Variants in ADAMTS2 observed in about 807,000 individuals in gnomAD.
ADAMTS2 encodes the protein A disintegrin and metalloproteinase with thrombospondin motifs 2.
ADAMTS2 carries 50 observed loss-of-function variants against 123.0 expected under a neutral mutation model. The observed-to-expected ratio is 0.41, with a 90% CI of 0.32 to 0.51. The LOEUF (loss-of-function observed/expected upper bound fraction) is 0.51. Ranked by LOEUF, ADAMTS2 falls within the 20% of genes least tolerant of loss-of-function variation. The pLI, the probability that ADAMTS2 is intolerant of heterozygous loss-of-function variation, is 0.35. For synonymous variants in ADAMTS2, 678 were observed against 695.4 expected, an observed-to-expected ratio of 0.98 and a Z score of 0.39; for missense variants, 1,494 against 1,705.2, an observed-to-expected ratio of 0.88 and a Z score of 2.18.
intron 3 of ADAMTS2, among the ~76,000 whole-genome samples, chr5:179,266,781 C>CGG (rs149506114): frequency 0.029 from 4,341 of 148,488 alleles, 91 homozygotes; most frequent in Middle Eastern, 0.086. Context: ...CCCCAGCCCC[C>CGG]ACCTGGGCCA....
chr5:179,223,534 TCA>T (rs201778803), intron 3 of ADAMTS2, among the ~76,000 whole-genome samples: 9 of 96,770 alleles, frequency 9.3e-5, no homozygotes, highest in African/African-American at 2.8e-4. Context: ...ACACATGCAC[TCA>T]CACTCACACG....
intron 5 of ADAMTS2, among the ~76,000 whole-genome samples, chr5:179,166,321 A>G (rs2113281838): frequency 6.6e-6 from 1 of 152,266 alleles, no homozygotes; most frequent in Non-Finnish European, 1.5e-5. Flanking sequence ...CGGGCTGGAA[A>G]GGGTCTGAGG....
Position 179,228,879 on chromosome 5 carries a change from A to C in ADAMTS2, c.689-21164T>G, listed in dbSNP as rs1341199096. On this transcript the variant is annotated intron_variant, in intron 3 of 21. Transcript: ENST00000251582. This position sits in a 1 kb window ranked among gnomAD's most constrained non-coding sequence, Gnocchi z 5.2. ...GCCGAAGCTCTGCCAGTCTGCACTGAAGTCTGTGGTGTGCGGTCACCTGAG... is the reference window on the plus strand; with the variant it reads ...GCCGAAGCTCTGCCAGTCTGCACTGCAGTCTGTGGTGTGCGGTCACCTGAG... 6.6e-6 allele frequency among the ~76,000 whole-genome samples: 1 copy of C among 152,176 alleles called. No individual in the cohort carries two copies. The highest frequency in any genetic ancestry group is 1.5e-5 in the Non-Finnish European group (1 of 68,020).
chr5:179,297,716 C>T (rs748944889), intron 2 of ADAMTS2, among the ~76,000 whole-genome samples: 18 of 152,184 alleles, frequency 1.2e-4, no homozygotes, highest in South Asian at 2.1e-4. Flanking sequence ...TCCCAGAGGA[C>T]GGAGAGCTCT....
At chr5:179,142,107 C>T (rs1253733152) in intron 10 of ADAMTS2, among the ~76,000 whole-genome samples, 1 of 152,158 alleles carries the variant, frequency 6.6e-6, no homozygotes, top group Non-Finnish European at 1.5e-5. Context: ...GAAGGCTTCA[C>T]AGCTCTCCCT....
intron 2 of ADAMTS2, among the ~76,000 whole-genome samples, chr5:179,321,537 T>C (rs1757176636): frequency 6.6e-6 from 1 of 151,972 alleles, no homozygotes; most frequent in South Asian, 2.1e-4. Context: ...GCAGCCCCGC[T>C]CCTAAGACTC....
intron 7 of ADAMTS2, 54 bp from the exon 8 acceptor site, chr5:179,154,246 C>G: frequency 6.5e-7 from 1 of 1,534,004 alleles, no homozygotes; most frequent in Non-Finnish European, 8.7e-7. Context: ...GTCTGCCAGT[C>G]CCACCCCACC....
chr5:179,279,733 C>T (rs780862711), intron 2 of ADAMTS2, among the ~76,000 whole-genome samples: 5 of 152,184 alleles, frequency 3.3e-5, no homozygotes, highest in Non-Finnish European at 5.9e-5. Context: ...TGAGCCACTC[C>T]GTCCTCACCA....
chr5:179,205,973 G>A (rs961526180), intron 4 of ADAMTS2, among the ~76,000 whole-genome samples: 5 of 151,904 alleles, frequency 3.3e-5, no homozygotes, highest in Admixed American at 6.6e-5. Context: ...GGGTTTCACC[G>A]TGGTCTCGAT....
At chr5:179,274,744 G>A (rs535219246) in intron 2 of ADAMTS2, among the ~76,000 whole-genome samples, 1 of 152,348 alleles carries the variant, frequency 6.6e-6, no homozygotes, top group Non-Finnish European at 1.5e-5. Context: ...AGCCTCAAGT[G>A]TAGCGAGGGA....
At chr5:179,227,356 G>A (rs2113421079) in intron 3 of ADAMTS2, among the ~76,000 whole-genome samples, 1 of 152,324 alleles carries the variant, frequency 6.6e-6, no homozygotes, top group African/African-American at 2.4e-5. Context: ...GGGGTCAGGG[G>A]CAGAGGGAGC....
At chr5:179,144,051 A>C (rs1288397430) in intron 10 of ADAMTS2, among the ~76,000 whole-genome samples, 4 of 152,190 alleles carry the variant, frequency 2.6e-5, no homozygotes, top group Non-Finnish European at 5.9e-5. Flanking sequence ...ATCCCCTACA[A>C]AACTTAAAGC....
At position 179,129,910 on chromosome 5, in the gene ADAMTS2, G is replaced by T. The variant is rs1762928942; in HGVS notation, c.2457+22C>A. The T allele has an allele frequency of 3.1e-6, 5 of 1,613,406 alleles. No individual in the cohort carries two copies. Among genetic ancestry groups the T allele is most frequent in the Non-Finnish European group, 4.2e-6 (5 of 1,179,978 alleles). On this transcript the variant is annotated intron_variant, in intron 16 of 21. Transcript: ENST00000251582. The surrounding 1 kb of genome is among the most constrained non-coding windows in gnomAD (Gnocchi z 4.1). Reference sequence around the variant, plus strand: ...AGTGGCCACCCGCACCCTTCCCTGGGCCCAGCCCTGCTTGGACTCACCAGA... The same window carrying T: ...AGTGGCCACCCGCACCCTTCCCTGGTCCCAGCCCTGCTTGGACTCACCAGA...
intron 2 of ADAMTS2, among the ~76,000 whole-genome samples, chr5:179,338,325 G>A (rs899093873): frequency 1.3e-5 from 2 of 152,190 alleles, no homozygotes; most frequent in African/African-American, 4.8e-5. Flanking sequence ...ATGGGGCCAC[G>A]GTGGCTGGCT....
intron 10 of ADAMTS2, among the ~76,000 whole-genome samples, chr5:179,142,292 G>A (rs914814854): frequency 1.3e-5 from 2 of 152,262 alleles, no homozygotes; most frequent in South Asian, 4.1e-4. Context: ...TGAAATGCTC[G>A]GAACCAGAAG....
At chr5:179,171,139 A>G (rs1435287094) in intron 5 of ADAMTS2, among the ~76,000 whole-genome samples, 1 of 152,224 alleles carries the variant, frequency 6.6e-6, no homozygotes, top group Non-Finnish European at 1.5e-5. Flanking sequence ...ATTCATTTAT[A>G]ACGTATGGTA....
chr5:179,276,098 C>G (rs6896164), intron 2 of ADAMTS2, among the ~76,000 whole-genome samples: 1 of 152,076 alleles, frequency 6.6e-6, no homozygotes, highest in Admixed American at 6.5e-5. Flanking sequence ...CTGACTCATC[C>G]CTGGGTCTCA....
At chr5:179,201,671 G>A (rs1764569908) in intron 4 of ADAMTS2, among the ~76,000 whole-genome samples, 1 of 151,084 alleles carries the variant, frequency 6.6e-6, no homozygotes, top group South Asian at 2.1e-4. Context: ...CCGTGGTGGT[G>A]CATGCCTGTA....
At chr5:179,335,213 T>TAA (rs59150133) in intron 2 of ADAMTS2, among the ~76,000 whole-genome samples, 11 of 149,906 alleles carry the variant, frequency 7.3e-5, no homozygotes, top group African/African-American at 2.7e-4. Flanking sequence ...GCCATGTTTT[T>TAA]AAAAAAAAAA....
Sources: gnomAD v4.1 joint callset for allele counts (sites outside exome capture counted in the v4.1 genomes callset) on GRCh38, gnomAD v4.1.1 for gene constraint, Gnocchi (gnomAD v3.1) non-coding constraint, MANE v1.5 for transcripts, NCBI Gene and HGNC (gene_info 2026-07-23, HGNC 2026-07-21) for gene names.